DLG5: variants seen among roughly 807,000 people sequenced by gnomAD.
DLG5 encodes the protein disks large homolog 5.
DLG5 carries 48 observed loss-of-function variants against 189.8 expected under a neutral mutation model. That is an observed-to-expected ratio of 0.25 (90% CI 0.20 to 0.32). DLG5 has a LOEUF of 0.32. Ranked by LOEUF, DLG5 falls within the 10% of genes least tolerant of loss-of-function variation. The pLI is 1.00. For synonymous variants in DLG5, 1,016 were observed against 1,054.1 expected, an observed-to-expected ratio of 0.96 and a Z score of 0.70; for missense variants, 2,160 against 2,544.7, an observed-to-expected ratio of 0.85 and a Z score of 3.25.
intron 2 of DLG5, among the ~76,000 whole-genome samples, chr10:77,857,252 C>G (rs1442333554): frequency 6.6e-6 from 1 of 152,340 alleles, no homozygotes; most frequent in East Asian, 1.9e-4. Flanking sequence ...TGTTACCCAC[C>G]ACTAAGCCTG....
intron 13 of DLG5, among the ~76,000 whole-genome samples, chr10:77,827,112 G>A (rs560782996): frequency 2.0e-4 from 31 of 152,310 alleles, no homozygotes; most frequent in Admixed American, 1.8e-3. Context: ...CCATCGGGGT[G>A]GGAAGCAGTA....
chr10:77,853,550 G>A lies in DLG5; in HGVS notation c.681-13C>T, dbSNP rs748132555. ...GCTGTGGAGTGTGCTGAAACACCCGGTACATGCTCAGTGAGCCCCAGCCAG... is the reference window on the plus strand; with the variant it reads ...GCTGTGGAGTGTGCTGAAACACCCGATACATGCTCAGTGAGCCCCAGCCAG... On this transcript the variant is annotated splice_polypyrimidine_tract_variant and intron_variant, in intron 4 of 31. Coordinates refer to ENST00000372391, the MANE Select transcript of DLG5 (RefSeq NM_004747.4). The A allele has an allele frequency of 1.3e-6, 2 of 1,565,782 alleles. No homozygotes were observed. Among genetic ancestry groups the A allele is most frequent in the South Asian group, 1.2e-5 (1 of 85,282 alleles).
intron 9 of DLG5, among the ~76,000 whole-genome samples, chr10:77,832,773 GA>G (rs1404384663): frequency 6.6e-6 from 1 of 152,214 alleles, no homozygotes; most frequent in Non-Finnish European, 1.5e-5. Context: ...TTCACGGCCA[GA>G]GATTCTAGGC....
chr10:77,915,689 G>A (rs1008459030), intron 1 of DLG5, among the ~76,000 whole-genome samples: 1 of 152,218 alleles, frequency 6.6e-6, no homozygotes, highest in African/African-American at 2.4e-5. Context: ...GCAGTTAGAA[G>A]ATGTTTCTTT....
intron 5 of DLG5, among the ~76,000 whole-genome samples, chr10:77,850,553 C>T (rs897703144): frequency 1.3e-5 from 2 of 152,138 alleles, no homozygotes; most frequent in African/African-American, 4.8e-5. Flanking sequence ...CTAGGAGTGT[C>T]GCTGGGAGGT....
chr10:77,902,586 C>T (rs1340296982), intron 1 of DLG5, among the ~76,000 whole-genome samples: 2 of 152,082 alleles, frequency 1.3e-5, no homozygotes, highest in South Asian at 2.1e-4. Context: ...GAGGGCCGGG[C>T]GCGGTGGCTC....
chr10:77,807,920 T>C lies in DLG5; in HGVS notation c.4672A>G (p.Lys1558Glu). Residue 1558 changes from lysine (K) to glutamate (E), a missense_variant, in exon 25 of 32, where the codon AAG (lysine) becomes GAG (glutamate). Lys to Glu is a moderately conservative substitution (Grantham distance 56). Coordinates refer to ENST00000372391, the MANE Select transcript of DLG5 (RefSeq NM_004747.4). Reference protein sequence around the residue: ...LEYGSLDVRNKTVEEVYVEML... With the variant: ...LEYGSLDVRNETVEEVYVEML... ...TCCACATAGACTTCCTCCACTGTCT[T>C]GTTCCGCACGTCCAGGCTGCCATAC... 6.2e-7 allele frequency: 1 copy of C among 1,614,196 alleles called. No homozygotes were observed. The highest frequency in any genetic ancestry group is 1.6e-4 in the Middle Eastern group (1 of 6,062).
intron 16 of DLG5, 198 bp downstream of exon 16, chr10:77,819,697 G>A: frequency 9.2e-7 from 1 of 1,089,042 alleles, no homozygotes; most frequent in Non-Finnish European, 1.3e-6. Flanking sequence ...GCTATGGGGA[G>A]AAAGCATGTT....
intron 1 of DLG5, among the ~76,000 whole-genome samples, chr10:77,873,658 A>C (rs888291769): frequency 1.1e-4 from 17 of 151,980 alleles, no homozygotes. Context: ...CACCCCTTCC[A>C]TTCACCTGGA....
At chr10:77,832,203 T>A (rs567756345) in intron 9 of DLG5, among the ~76,000 whole-genome samples, 22 of 152,136 alleles carry the variant, frequency 1.4e-4, no homozygotes, top group African/African-American at 5.3e-4. Flanking sequence ...AAAAAAAAAA[T>A]TTGATAGATT....
chr10:77,814,461 TTATATATA>T (rs59297524), intron 20 of DLG5, among the ~76,000 whole-genome samples: 1,168 of 70,672 alleles, frequency 0.017, 18 homozygotes, highest in Middle Eastern at 0.054. Flanking sequence ...TAAAGCATGT[TTATATATA>T]TATATATATA....
At chr10:77,810,404 C>T (rs528602016) in intron 23 of DLG5, among the ~76,000 whole-genome samples, 1 of 152,308 alleles carries the variant, frequency 6.6e-6, no homozygotes, top group South Asian at 2.1e-4. Context: ...CTGCCCAGGG[C>T]TTGGTGAAGG....
intron 1 of DLG5, among the ~76,000 whole-genome samples, chr10:77,899,347 C>T (rs1009020696): frequency 1.3e-5 from 2 of 152,246 alleles, no homozygotes; most frequent in Non-Finnish European, 2.9e-5. Flanking sequence ...CCAAAGCCTG[C>T]TCCAATTCTC....
At chr10:77,842,585 C>G (rs1843476538) in intron 6 of DLG5, among the ~76,000 whole-genome samples, 1 of 152,306 alleles carries the variant, frequency 6.6e-6, no homozygotes. Context: ...AACAGTACAG[C>G]CCTGTGACAA....
intron 5 of DLG5, among the ~76,000 whole-genome samples, chr10:77,850,392 G>A (rs1843908833): frequency 6.6e-6 from 1 of 152,168 alleles, no homozygotes; most frequent in Non-Finnish European, 1.5e-5. Flanking sequence ...TCCTTGTTAT[G>A]CTGAATAATA....
intron 2 of DLG5, chr10:77,868,529 G>A: frequency 3.8e-6 from 1 of 265,526 alleles, no homozygotes; most frequent in East Asian, 1.0e-4. Flanking sequence ...GAGTCCTTCG[G>A]GCTCAAAAGA....
intron 1 of DLG5, among the ~76,000 whole-genome samples, chr10:77,873,814 C>A (rs929653222): frequency 6.6e-6 from 1 of 152,148 alleles, no homozygotes; most frequent in Non-Finnish European, 1.5e-5. Context: ...TGACGGCTCA[C>A]GGTCACAGGG....
intron 1 of DLG5, among the ~76,000 whole-genome samples, chr10:77,883,083 T>C (rs973208976): frequency 2.0e-5 from 3 of 152,072 alleles, no homozygotes; most frequent in Non-Finnish European, 4.4e-5. Context: ...GCCTTGGAGT[T>C]CAAGAATGCC....
Position 77,811,161 on chromosome 10 carries a change from C to T in DLG5, c.4396G>A (p.Val1466Ile), listed in dbSNP as rs761809032. The change falls in exon 23 of 32, where the codon GTC becomes ATC. Residue 1466 changes from valine to isoleucine, a missense_variant. Physicochemically the swap from Val to Ile is conservative, Grantham distance 29. This residue lies in a region of DLG5 where 574 missense variants were observed against 644.2 expected (regional missense o/e 0.89). Transcript: ENST00000372391. ...SGTTTPEHPS[V>I]IDPLMEQDEG... is the part of the protein sequence containing the mutation. Reference sequence around the variant, plus strand: ...TCCTGCTCCATCAGTGGGTCGATGACAGATGGATGCTCCGGGGTGGTGGTG... The same window carrying T: ...TCCTGCTCCATCAGTGGGTCGATGATAGATGGATGCTCCGGGGTGGTGGTG... The T allele has an allele frequency of 1.9e-6, 3 of 1,613,262 alleles. No individual in the cohort carries two copies. The highest frequency in any genetic ancestry group is 2.5e-6 in the Non-Finnish European group (3 of 1,179,996).
Sources: allele counts gnomAD v4.1 joint callset (sites outside exome capture counted in the v4.1 genomes callset), GRCh38; gene constraint gnomAD v4.1.1; regional missense constraint gnomAD v4.1.1; transcripts MANE v1.5; gene names NCBI Gene and HGNC (gene_info 2026-07-23, HGNC 2026-07-21).